DPP6: variants seen among roughly 807,000 people sequenced by gnomAD.
The protein encoded by DPP6 is A-type potassium channel modulatory protein DPP6.
In DPP6, 69 loss-of-function variants were observed where a neutral mutation model predicts 122.6. The observed-to-expected ratio is 0.56, with a 90% CI of 0.46 to 0.69. The LOEUF (loss-of-function observed/expected upper bound fraction) is 0.69, where lower values mean the gene tolerates loss of function less well. DPP6 is among the 30% of genes least tolerant of loss of function. DPP6 has a pLI of 0.00. For synonymous variants in DPP6, 418 were observed against 433.1 expected, an observed-to-expected ratio of 0.97 and a Z score of 0.43; for missense variants, 928 against 1,116.9, an observed-to-expected ratio of 0.83 and a Z score of 2.41.
the DPP6 span, among the ~76,000 whole-genome samples, chr7:153,830,249 C>T: frequency 2.6e-5 from 4 of 152,174 alleles, no homozygotes; most frequent in Admixed American, 6.5e-5. Context: ...AAGCCCTCAG[C>T]GAAGTAAATA....
chr7:154,865,148 G>A (rs1803750888), intron 17 of DPP6, among the ~76,000 whole-genome samples: 1 of 152,162 alleles, frequency 6.6e-6, no homozygotes, highest in Non-Finnish European at 1.5e-5. Context: ...CCCAGCTGAA[G>A]CCCTTTCTGG....
chr7:153,998,480 C>A (rs565162712), intron 1 of DPP6, among the ~76,000 whole-genome samples: 1 of 152,178 alleles, frequency 6.6e-6, no homozygotes, highest in South Asian at 2.1e-4. Flanking sequence ...CCCCTGGTAC[C>A]AAGCAAAGCT....
chr7:154,658,632 C>G (rs1211292886), intron 6 of DPP6, among the ~76,000 whole-genome samples: 1 of 152,120 alleles, frequency 6.6e-6, no homozygotes, highest in Non-Finnish European at 1.5e-5. Flanking sequence ...GAGGGAAGCC[C>G]TGTAGGCAAA....
chr7:154,313,684 G>GGTGTGTGTGTGTGTATATAT (rs146683070), intron 1 of DPP6, among the ~76,000 whole-genome samples: 1 of 25,102 alleles, frequency 4.0e-5, no homozygotes, highest in Non-Finnish European at 7.5e-5. Flanking sequence ...TTTAAGATAT[G>GGTGTGTGTGTGTGTATATAT]GTATATATAT....
chr7:154,229,496 T>C (rs1162116087), intron 1 of DPP6, among the ~76,000 whole-genome samples: 1 of 152,220 alleles, frequency 6.6e-6, no homozygotes, highest in Non-Finnish European at 1.5e-5. Context: ...GTTTTTGCTG[T>C]TAATTATTGG....
At chr7:153,918,134 A>G (rs187411208) in intron 1 of DPP6, among the ~76,000 whole-genome samples, 211 of 152,282 alleles carry the variant, frequency 1.4e-3, no homozygotes, top group African/African-American at 4.8e-3. Context: ...TCCCAAAGCT[A>G]TTGGGTCAGA....
chr7:153,987,523 T>A (rs1375383127), intron 1 of DPP6, among the ~76,000 whole-genome samples: 2 of 152,028 alleles, frequency 1.3e-5, no homozygotes, highest in African/African-American at 4.8e-5. Context: ...TTCACACATA[T>A]AATTTACAGA....
At chr7:154,303,400 C>T (rs1474100827) in intron 1 of DPP6, among the ~76,000 whole-genome samples, 2 of 152,120 alleles carry the variant, frequency 1.3e-5, no homozygotes, top group East Asian at 1.9e-4. Context: ...TGCTTGGTGA[C>T]CTTACACCGC....
chr7:153,931,847 CT>C (rs1335306264), intron 1 of DPP6, among the ~76,000 whole-genome samples: 2 of 152,182 alleles, frequency 1.3e-5, no homozygotes, highest in South Asian at 4.1e-4. Context: ...TGTTTTTCAG[CT>C]TTTGGTGCCT....
At chr7:154,688,606 C>T (rs537853062) in intron 7 of DPP6, among the ~76,000 whole-genome samples, 1 of 152,216 alleles carries the variant, frequency 6.6e-6, no homozygotes, top group South Asian at 2.1e-4. Context: ...AGAGCCAGTC[C>T]CAGTCTCAAA....
At chr7:154,268,260 T>C (rs950792252) in intron 1 of DPP6, among the ~76,000 whole-genome samples, 22 of 152,184 alleles carry the variant, frequency 1.4e-4, no homozygotes, top group Non-Finnish European at 3.1e-4. Context: ...ATTAGCTACT[T>C]TTCTTAGTTC....
At chr7:154,404,725 A>G (rs1301889748) in intron 1 of DPP6, among the ~76,000 whole-genome samples, 3 of 152,242 alleles carry the variant, frequency 2.0e-5, no homozygotes, top group Non-Finnish European at 4.4e-5. Context: ...GACTCCTCTC[A>G]ATACTTGGTA....
rs954990224 is a variant in DPP6 at position 154,622,410 on chromosome 7, C to CT, written c.628-15407dup. On this transcript the variant is annotated intron_variant, in intron 5 of 25. Transcript: ENST00000377770. The stretch of plus-strand genomic sequence containing the variant: ...TGCTCCTGTTTACCTGTAGCCTCTG[C>CT]TTTTCTGCTTCAGCCTGGAATTGTC... 6.6e-4 allele frequency among the ~76,000 whole-genome samples: 100 copies of CT among 152,324 alleles called. No individual in the cohort carries two copies. In the Middle Eastern group the frequency reaches 0.017, roughly 26 times the overall value.
intron 1 of DPP6, among the ~76,000 whole-genome samples, chr7:154,248,860 C>T (rs1439143365): frequency 2.0e-5 from 3 of 150,404 alleles, no homozygotes; most frequent in East Asian, 1.9e-4. Flanking sequence ...AGGGAGACTC[C>T]GTCTCAGGAA....
chr7:153,853,086 T>G, the DPP6 span, among the ~76,000 whole-genome samples: 2 of 152,292 alleles, frequency 1.3e-5, no homozygotes, highest in African/African-American at 4.8e-5. Context: ...CTCTGTTGTT[T>G]CAGCCTAGGC....
At chr7:154,783,304 G>A (rs1273660984) in intron 10 of DPP6, among the ~76,000 whole-genome samples, 3 of 152,170 alleles carry the variant, frequency 2.0e-5, no homozygotes, top group Non-Finnish European at 2.9e-5. Flanking sequence ...AATCAGGACA[G>A]CTCACACAGG....
At chr7:154,620,467 G>A (rs982403842) in intron 5 of DPP6, among the ~76,000 whole-genome samples, 1 of 152,220 alleles carries the variant, frequency 6.6e-6, no homozygotes, top group African/African-American at 2.4e-5. Flanking sequence ...AAAACCAGAG[G>A]ATATATTTAG....
intron 1 of DPP6, among the ~76,000 whole-genome samples, chr7:154,438,469 C>CAAAAAAAAAAAAAAAAA (rs58978160): frequency 1.9e-4 from 7 of 37,472 alleles, no homozygotes; most frequent in East Asian, 9.7e-4. Context: ...GACTCCAACT[C>CAAAAAAAAAAAAAAAAA]AAAAAAAAAA....
At chr7:154,064,856 A>G (rs2628934) in intron 1 of DPP6, among the ~76,000 whole-genome samples, 3 of 152,194 alleles carry the variant, frequency 2.0e-5, no homozygotes, top group Non-Finnish European at 2.9e-5. Context: ...GTGTTGTCAG[A>G]GCCTGCACCG....
Sources: gnomAD v4.1 joint callset for allele counts (sites outside exome capture counted in the v4.1 genomes callset) on GRCh38, gnomAD v4.1.1 for gene constraint, MANE v1.5 for transcripts, NCBI Gene and HGNC (gene_info 2026-07-23, HGNC 2026-07-21) for gene names.